Variants in SMIM1 observed in about 807,000 individuals in gnomAD.
SMIM1 encodes small integral membrane protein 1.
SMIM1 carries 7 observed loss-of-function variants against 7.7 expected under a neutral mutation model. The ratio of observed to expected loss-of-function variants is 0.91; its 90% CI spans 0.52 to 1.71. The LOEUF is 1.71. Ranked by LOEUF, SMIM1 falls within the 40% of genes most tolerant of loss-of-function variation. The probability of loss-of-function intolerance (pLI) is 0.00; values close to 1 mark genes in which losing one functional copy is unlikely to be tolerated. For missense variants in SMIM1, 95 were observed against 102.8 expected (o/e 0.92, Z 0.33); for synonymous variants, 41 against 42.7 (o/e 0.96, Z 0.16).
In SMIM1 at chr1:3,775,383, C is replaced by T; in HGVS notation, c.10C>T (p.Gln4Ter). The T allele has an allele frequency of 1.3e-6, 2 of 1,550,056 alleles. No homozygotes were observed. Among genetic ancestry groups the T allele is most frequent in the Non-Finnish European group, 1.7e-6 (2 of 1,146,634 alleles). MQP[Q>*]ESHVHYSRWE... ...GCTGCAGCCCCACAGCATGCAGCCC[C>T]AGGAGAGCCACGTCCACTATAGTAG... Residue 4 changes from glutamine (Q) to a stop codon, truncating the protein, a stop_gained, in exon 3 of 4, where the codon CAG (glutamine) becomes TAG (stop). Coordinates refer to ENST00000642557, the MANE Select transcript of SMIM1 (RefSeq NM_001288583.2). LOFTEE classifies it high-confidence loss of function. The surrounding 1 kb of genome is among the most constrained non-coding windows in gnomAD (Gnocchi z 5.3).
At position 3,775,540 on chromosome 1, in the gene SMIM1, A is replaced by T; in HGVS notation, c.110+57A>T. The T allele has an allele frequency of 2.1e-6, 3 of 1,461,038 alleles. No individual in the cohort carries two copies. The highest frequency in any genetic ancestry group is 2.8e-6 in the Non-Finnish European group (3 of 1,075,108). 90.5% of individuals were successfully genotyped at this position (1,461,038 alleles called of 1,614,324 possible). On this transcript the variant is annotated intron_variant, in intron 3 of 3. Coordinates refer to ENST00000642557, the MANE Select transcript of SMIM1 (RefSeq NM_001288583.2). This position sits in a 1 kb window ranked among gnomAD's most constrained non-coding sequence, Gnocchi z 5.3. ...AGCAGGCTGGTGTCTCCCTCCAGAG[A>T]CGCCTGCCCTAACCCCTGCTACCGG...
Position 3,775,536 on chromosome 1 carries a change from A to G in SMIM1, c.110+53A>G. ...CCATAGCAGGCTGGTGTCTCCCTCC[A>G]GAGACGCCTGCCCTAACCCCTGCTA... On this transcript the variant is annotated intron_variant, in intron 3 of 3. Transcript: ENST00000642557. This position sits in a 1 kb window ranked among gnomAD's most constrained non-coding sequence, Gnocchi z 5.3. The G allele has an allele frequency of 2.0e-6, 3 of 1,468,114 alleles. No individual in the cohort carries two copies. Among genetic ancestry groups the G allele is most frequent in the Non-Finnish European group, 2.8e-6 (3 of 1,079,806 alleles). 90.9% of individuals were successfully genotyped at this position (1,468,114 alleles called of 1,614,324 possible).
intron 2 of SMIM1, among the ~76,000 whole-genome samples, chr1:3,774,371 T>C (rs995812756): frequency 7.2e-5 from 11 of 151,810 alleles, no homozygotes; most frequent in African/African-American, 2.2e-4. Flanking sequence ...CTTAGGTAAA[T>C]AGGAGGTCGA....
chr1:3,775,153 T>C lies in SMIM1; in HGVS notation c.-75-146T>C. 2.2e-6 allele frequency: 1 copy of C among 449,596 alleles called. No individual in the cohort carries two copies. The highest frequency in any genetic ancestry group is 3.7e-5 in the East Asian group (1 of 26,878). 27.9% of individuals were successfully genotyped at this position (449,596 alleles called of 1,614,324 possible). ...TCCTCCCGGCCTGACCCTGGGCAAA[T>C]GACTCTACCACTTTGTGTCTAGGTC... On this transcript the variant is annotated intron_variant, in intron 2 of 3. Coordinates refer to ENST00000642557, the MANE Select transcript of SMIM1 (RefSeq NM_001288583.2). The surrounding 1 kb of genome is among the most constrained non-coding windows in gnomAD (Gnocchi z 5.3).
At position 3,773,111 on chromosome 1, in the gene SMIM1, G is replaced by A. The variant is rs1444590830; in HGVS notation, c.-146G>A. On this transcript the variant is annotated 5_prime_UTR_variant, in exon 2 of 4. The change creates a new upstream start codon in the 5' untranslated region. Transcript: ENST00000642557. ...AGCCCACGACCTGCCCCGCTGGGAG[G>A]TGCGGGCCGCTGGCCAGGCCCTGAC... 3 of 152,268 alleles carry A rather than the reference G, an allele frequency of 2.0e-5. No individual in the cohort carries two copies. Among genetic ancestry groups the A allele is most frequent in the Admixed American group, 2.0e-4 (3 of 15,292 alleles). 9.4% of individuals were successfully genotyped at this position (152,268 alleles called of 1,614,324 possible). A position where few individuals can be genotyped will look rare whatever the true frequency, so the allele number is the denominator to read the frequency against.
chr1:3,775,262 G>A lies in SMIM1; in HGVS notation c.-75-37G>A. 2 of 722,680 alleles carry A rather than the reference G, an allele frequency of 2.8e-6. No individual in the cohort carries two copies. Among genetic ancestry groups the A allele is most frequent in the East Asian group, 2.8e-5 (1 of 35,720 alleles). The allele number at this position is 722,680 out of a possible 1,614,324, so 44.8% of individuals were successfully genotyped here. A position where few individuals can be genotyped will look rare whatever the true frequency, so the allele number is the denominator to read the frequency against. On this transcript the variant is annotated intron_variant, in intron 2 of 3. Transcript: ENST00000642557. The surrounding 1 kb of genome is among the most constrained non-coding windows in gnomAD (Gnocchi z 5.3). ...CTCTCCTAACAGCAGCCTCAGAGGGGGTCTTGACTGCCGCCCTCCATCCGC... is the reference window on the plus strand; with the variant it reads ...CTCTCCTAACAGCAGCCTCAGAGGGAGTCTTGACTGCCGCCCTCCATCCGC...
chr1:3,775,725 C>T lies in SMIM1; in HGVS notation c.111-70C>T, dbSNP rs1643448272. On this transcript the variant is annotated intron_variant, in intron 3 of 3. Coordinates refer to ENST00000642557, the MANE Select transcript of SMIM1 (RefSeq NM_001288583.2). This position sits in a 1 kb window ranked among gnomAD's most constrained non-coding sequence, Gnocchi z 5.3. ...CCTCCCCCTGACCCAGACCAACGGCCACAGTCCACTTAGGGGGCCCCTCAT... is the reference window on the plus strand; with the variant it reads ...CCTCCCCCTGACCCAGACCAACGGCTACAGTCCACTTAGGGGGCCCCTCAT... 2 of 1,506,962 alleles carry T rather than the reference C, an allele frequency of 1.3e-6. No individual in the cohort carries two copies. Among genetic ancestry groups the T allele is most frequent in the African/African-American group, 2.8e-5 (2 of 72,204 alleles). 93.3% of individuals were successfully genotyped at this position (1,506,962 alleles called of 1,614,324 possible).
At chr1:3,774,712 C>A (rs965035072) in intron 2 of SMIM1, among the ~76,000 whole-genome samples, 1 of 152,180 alleles carries the variant, frequency 6.6e-6, no homozygotes, top group Non-Finnish European at 1.5e-5. Context: ...GCCCCCCAAG[C>A]CCCAGCCCTC....
Position 3,775,635 on chromosome 1 carries a change from G to A in SMIM1, c.110+152G>A, listed in dbSNP as rs781407409. On this transcript the variant is annotated intron_variant, in intron 3 of 3. Coordinates refer to ENST00000642557, the MANE Select transcript of SMIM1 (RefSeq NM_001288583.2). The surrounding 1 kb of genome is among the most constrained non-coding windows in gnomAD (Gnocchi z 5.3). ...GCAGCTCAGCAAACCGCAGCCTTTG[G>A]CCTTCCCTCTGGTTGGCTGTGGGCG... The A allele has an allele frequency of 5.3e-6, 7 of 1,310,014 alleles. No individual in the cohort carries two copies. In the African/African-American group the frequency reaches 8.9e-5, roughly 17 times the overall value. 81.1% of individuals were successfully genotyped at this position (1,310,014 alleles called of 1,614,324 possible).
In SMIM1 at chr1:3,775,373, C is replaced by T. The variant is rs900986617; in HGVS notation, c.-1C>T. ...CGCCCCTCCCGCTGCAGCCCCACAG[C>T]ATGCAGCCCCAGGAGAGCCACGTCC... is the stretch of plus-strand genomic sequence containing the variant. On this transcript the variant is annotated 5_prime_UTR_variant, in exon 3 of 4. Coordinates refer to ENST00000642557, the MANE Select transcript of SMIM1 (RefSeq NM_001288583.2). The surrounding 1 kb of genome is among the most constrained non-coding windows in gnomAD (Gnocchi z 5.3). 3 of 1,548,804 alleles carry T rather than the reference C, an allele frequency of 1.9e-6. No individual in the cohort carries two copies. In the African/African-American group the frequency reaches 4.1e-5, roughly 21 times the overall value.
rs1643405968 is a variant in SMIM1 at position 3,773,150 on chromosome 1, A to G, written c.-107A>G. The G allele has an allele frequency of 1.3e-5, 2 of 152,300 alleles. No individual in the cohort carries two copies. Among genetic ancestry groups the G allele is most frequent in the Admixed American group, 1.3e-4 (2 of 15,286 alleles). The allele number at this position is 152,300 out of a possible 1,614,324, so 9.4% of individuals were successfully genotyped here. ...CCAGGCCCTGACCGCAACCTGGCCC[A>G]GAGGCCCCAGCCCTCAGGCAAGGTT... On this transcript the variant is annotated 5_prime_UTR_variant, in exon 2 of 4. Transcript: ENST00000642557.
In SMIM1 at chr1:3,774,597, G is replaced by A. The variant is rs141250104; in HGVS notation, c.-75-702G>A. Among the ~76,000 whole-genome samples the A allele has an allele frequency of 3.9e-3, 588 of 152,280 alleles. 7 individuals carry two copies. The highest frequency in any genetic ancestry group is 0.014 in the Middle Eastern group (4 of 294). ...CCAGCAGGGAGCTGGCCTTGGGGCCGGGCCCCTCCTGCTCTGGGCAGCCAC... is the reference window on the plus strand; with the variant it reads ...CCAGCAGGGAGCTGGCCTTGGGGCCAGGCCCCTCCTGCTCTGGGCAGCCAC... On this transcript the variant is annotated intron_variant, in intron 2 of 3. Coordinates refer to ENST00000642557, the MANE Select transcript of SMIM1 (RefSeq NM_001288583.2).
At position 3,775,497 on chromosome 1, in the gene SMIM1, G is replaced by T; in HGVS notation, c.110+14G>T. On this transcript the variant is annotated intron_variant, in intron 3 of 3. Transcript: ENST00000642557. This position sits in a 1 kb window ranked among gnomAD's most constrained non-coding sequence, Gnocchi z 5.3. ...ACGCTGCCGCAGGTGAGGGGCCTGA[G>T]GGCAGCCTGCCAGCCATAGCAGGCT... The T allele has an allele frequency of 6.5e-7, 1 of 1,544,806 alleles. No homozygotes were observed. Among genetic ancestry groups the T allele is most frequent in the South Asian group, 1.2e-5 (1 of 83,746 alleles).
chr1:3,775,466 G>A lies in SMIM1; in HGVS notation c.93G>A (p.Glu31=), dbSNP rs1217183437. 6.5e-7 allele frequency: 1 copy of A among 1,550,092 alleles called. No homozygotes were observed. The highest frequency in any genetic ancestry group is 1.2e-5 in the South Asian group (1 of 84,024). Residue 31 remains glutamate (E), a synonymous_variant, in exon 3 of 4, where the codon GAG becomes GAA. Coordinates refer to ENST00000642557, the MANE Select transcript of SMIM1 (RefSeq NM_001288583.2). The surrounding 1 kb of genome is among the most constrained non-coding windows in gnomAD (Gnocchi z 5.3). ...VSLGAVSSTE[E]ASRCRRISQR... is the part of the protein sequence containing the mutation. ...TAGGGGCTGTGTCCAGCACAGAAGA[G>A]GCCTCACGCTGCCGCAGGTGAGGGG...
At chr1:3,773,326 G>A (rs1179229195) in intron 2 of SMIM1, 145 bp downstream of exon 2, 1 of 152,358 alleles carries the variant, frequency 6.6e-6, no homozygotes, top group East Asian at 1.9e-4. Flanking sequence ...TCCCTGATGG[G>A]TTCCTGCCGC....
At chr1:3,774,632 C>T (rs1369986584) in intron 2 of SMIM1, among the ~76,000 whole-genome samples, 2 of 152,142 alleles carry the variant, frequency 1.3e-5, no homozygotes, top group Admixed American at 6.5e-5. Context: ...CCCAGCCCTA[C>T]GACCCTCCTG....
chr1:3,772,962 T>TTG (rs1643401695), intron 1 of SMIM1, 101 bp from the exon 2 acceptor site: 2 of 152,440 alleles, frequency 1.3e-5, no homozygotes, highest in African/African-American at 4.8e-5. Context: ...GCCCGGCTCC[T>TTG]TGCCCGGCTC....
At position 3,775,439 on chromosome 1, in the gene SMIM1, C is replaced by T; in HGVS notation, c.66C>T (p.Ser22=). 6.6e-7 allele frequency: 1 copy of T among 1,512,020 alleles called. No individual in the cohort carries two copies. The highest frequency in any genetic ancestry group is 1.7e-4 in the Middle Eastern group (1 of 5,868). 93.7% of individuals were successfully genotyped at this position (1,512,020 alleles called of 1,614,324 possible). The change falls in exon 3 of 4, where the codon AGC becomes AGT. Residue 22 remains serine (S), a synonymous_variant. Transcript: ENST00000642557. This position sits in a 1 kb window ranked among gnomAD's most constrained non-coding sequence, Gnocchi z 5.3. ...RWEDGSRDGV[S]LGAVSSTEEA... ...AGGACGGCAGCAGGGACGGAGTCAG[C>T]CTAGGGGCTGTGTCCAGCACAGAAG... is the stretch of plus-strand genomic sequence containing the variant.
chr1:3,773,237 G>A (rs2124602482), intron 2 of SMIM1, 56 bp downstream of exon 2: 1 of 152,432 alleles, frequency 6.6e-6, no homozygotes, highest in African/African-American at 2.4e-5. Context: ...AGGGGCGCCT[G>A]TGTACCTAGG....
Sources: gnomAD v4.1 joint callset for allele counts (sites outside exome capture counted in the v4.1 genomes callset) on GRCh38, gnomAD v4.1.1 for gene constraint, Gnocchi (gnomAD v3.1) non-coding constraint, MANE v1.5 for transcripts, NCBI Gene and HGNC (gene_info 2026-07-23, HGNC 2026-07-21) for gene names.